CTNNA2: variants seen among roughly 807,000 people sequenced by gnomAD.
The protein encoded by CTNNA2 is catenin alpha 2.
Under a neutral mutation model 101.0 loss-of-function variants are expected in CTNNA2, and 42 were observed. The ratio of observed to expected loss-of-function variants is 0.42; its 90% CI spans 0.32 to 0.54. CTNNA2 has a LOEUF of 0.54. Among genes scored for constraint, CTNNA2 ranks in the 20% least tolerant of loss-of-function variants. The pLI, the probability that CTNNA2 is intolerant of heterozygous loss-of-function variation, is 0.14. For synonymous variants in CTNNA2, 450 were observed against 456.4 expected (o/e 0.99, Z 0.18); for missense variants, 871 against 1,223.1 (o/e 0.71, Z 4.29).
At chr2:79,522,377 C>G (rs560521580) in intron 1 of CTNNA2, among the ~76,000 whole-genome samples, 1 of 152,108 alleles carries the variant, frequency 6.6e-6, no homozygotes, top group East Asian at 1.9e-4. Context: ...TGGAGCCATA[C>G]GTGAGTAAGA....
At chr2:80,424,307 C>T (rs1680804312) in intron 9 of CTNNA2, among the ~76,000 whole-genome samples, 1 of 152,144 alleles carries the variant, frequency 6.6e-6, no homozygotes, top group Non-Finnish European at 1.5e-5. Flanking sequence ...CCCTTATTGT[C>T]TGACTGATGA....
intron 4 of CTNNA2, among the ~76,000 whole-genome samples, chr2:79,374,298 A>G (rs1677936752): frequency 6.6e-6 from 1 of 152,162 alleles, no homozygotes. Flanking sequence ...TCTCTGAGAT[A>G]TAGAAAGACA....
intron 7 of CTNNA2, chr2:80,313,451 A>C (rs139283309): frequency 0.019 from 28,006 of 1,504,374 alleles, 343 homozygotes; most frequent in Non-Finnish European, 0.023. Flanking sequence ...GATGAGTAAC[A>C]AACCAATATT....
chr2:79,890,909 G>T (rs540796464), intron 6 of CTNNA2, among the ~76,000 whole-genome samples: 1 of 143,702 alleles, frequency 7.0e-6, no homozygotes, highest in South Asian at 2.8e-4. Context: ...GGTGGAAGGG[G>T]CAGGGAGCCC....
At chr2:80,258,179 G>C (rs780321588) in intron 7 of CTNNA2, among the ~76,000 whole-genome samples, 2 of 152,114 alleles carry the variant, frequency 1.3e-5, no homozygotes, top group Non-Finnish European at 2.9e-5. Context: ...GCATTTTATT[G>C]TTCTTTATGT....
chr2:79,586,733 C>T (rs1186750417), intron 1 of CTNNA2, among the ~76,000 whole-genome samples: 2 of 151,906 alleles, frequency 1.3e-5, no homozygotes, highest in Non-Finnish European at 2.9e-5. Context: ...TGAACAAGTT[C>T]TTTAGTGGTG....
chr2:79,456,633 A>G (rs1296363251), intron 4 of CTNNA2, among the ~76,000 whole-genome samples: 2 of 152,178 alleles, frequency 1.3e-5, no homozygotes, highest in African/African-American at 4.8e-5. Flanking sequence ...TGTATTTTAT[A>G]ACATGGACCC....
At chr2:79,654,126 A>G (rs928908720) in intron 2 of CTNNA2, among the ~76,000 whole-genome samples, 2 of 152,042 alleles carry the variant, frequency 1.3e-5, no homozygotes, top group Admixed American at 1.3e-4. Context: ...TTTTAATAAC[A>G]GTCTGTTCAA....
intron 7 of CTNNA2, among the ~76,000 whole-genome samples, chr2:80,074,304 C>A (rs1326677948): frequency 2.0e-5 from 3 of 152,128 alleles, no homozygotes; most frequent in Non-Finnish European, 4.4e-5. Flanking sequence ...AAAGAACAGA[C>A]CCCCATCTGG....
rs147209619 is a variant in CTNNA2, at chr2:79,550,092, GA to G, written c.-6+36886del. Among the ~76,000 whole-genome samples, 647 of 152,256 alleles carry G rather than the reference GA, an allele frequency of 4.2e-3. 2 individuals are homozygous for G. The highest frequency in any genetic ancestry group is 0.021 in the East Asian group (108 of 5,176). On this transcript the variant is annotated intron_variant, in intron 1 of 18. Coordinates refer to ENST00000402739, the MANE Select transcript of CTNNA2 (RefSeq NM_001282597.3). ...ATCTAATTAGAGGTAGGAGGTGAGG[GA>G]GGGGGCACAATAATGTTTCAGTTCC...
chr2:80,165,935 A>G (rs530811244), intron 7 of CTNNA2, among the ~76,000 whole-genome samples: 13 of 152,120 alleles, frequency 8.5e-5, no homozygotes, highest in Non-Finnish European at 1.5e-4. Flanking sequence ...GCTGGCCTAC[A>G]TGAGGTTGGA....
intron 3 of CTNNA2, among the ~76,000 whole-genome samples, chr2:79,781,629 T>A (rs2105202790): frequency 6.6e-6 from 1 of 152,336 alleles, no homozygotes; most frequent in East Asian, 1.9e-4. Flanking sequence ...GATCAAAAAG[T>A]ATTTGATAGC....
chr2:79,798,267 C>T (rs887466087), intron 3 of CTNNA2, among the ~76,000 whole-genome samples: 2 of 152,160 alleles, frequency 1.3e-5, no homozygotes, highest in East Asian at 1.9e-4. Context: ...CCCTAGGCAT[C>T]GGACTCCTAC....
At position 80,232,337 on chromosome 2, in the gene CTNNA2, GTTTGTTTGTTTTTTTTTTTTTTTTTTTT is replaced by G. The variant is rs1317665220; in HGVS notation, c.1057-160870_1057-160843del. Among the ~76,000 whole-genome samples, 51 of 45,040 alleles carry G rather than the reference GTTTGTTTGTTTTTTTTTTTTTTTTTTTT, an allele frequency of 1.1e-3. No homozygotes were observed. The East Asian group carries it at 0.021, about 18-fold the overall frequency. 29.5% of individuals were successfully genotyped at this position (45,040 alleles called of 152,430 possible). On this transcript the variant is annotated intron_variant, in intron 7 of 18. Transcript: ENST00000402739. Reference sequence around the variant, plus strand: ...GAATTTGGGTTTTGTTTGTTTGTTTGTTTGTTTGTTTTTTTTTTTTTTTTTTTTTTTTTTTTTTTTTTTTTTTTTTTGT... The same window carrying G: ...GAATTTGGGTTTTGTTTGTTTGTTTGTTTTTTTTTTTTTTTTTTTTTTTGT...
chr2:80,509,776 C>A (rs1688557241), intron 9 of CTNNA2, among the ~76,000 whole-genome samples: 1 of 152,190 alleles, frequency 6.6e-6, no homozygotes, highest in Non-Finnish European at 1.5e-5. Context: ...CCAAATTGGA[C>A]AGTCCTTGTC....
rs112571951 is a variant in CTNNA2, at chr2:80,368,867, G to GTGTGTGTATA, written c.1057-24343_1057-24342insGTGTGTATAT. On this transcript the variant is annotated intron_variant, in intron 7 of 18. Coordinates refer to ENST00000402739, the MANE Select transcript of CTNNA2 (RefSeq NM_001282597.3). ...TATATATGTGTGTGTGTGTGTGTGTGTATATATATATATATATTTGGCACG... is the reference window on the plus strand; with the variant it reads ...TATATATGTGTGTGTGTGTGTGTGTGTGTGTGTATATATATATATATATATATTTGGCACG... Among the ~76,000 whole-genome samples the GTGTGTGTATA allele has an allele frequency of 2.1e-5, 3 of 144,734 alleles. No homozygotes were observed. The East Asian group carries it at 6.1e-4, about 29-fold the overall frequency. 95.0% of individuals were successfully genotyped at this position (144,734 alleles called of 152,430 possible).
chr2:79,957,480 T>C (rs772106387), intron 7 of CTNNA2, among the ~76,000 whole-genome samples: 21 of 152,200 alleles, frequency 1.4e-4, no homozygotes, highest in Admixed American at 3.9e-4. Context: ...TCTGGCTGTA[T>C]CCTTCCCTGT....
At chr2:80,138,555 CAT>C (rs2148905618) in intron 7 of CTNNA2, among the ~76,000 whole-genome samples, 1 of 152,090 alleles carries the variant, frequency 6.6e-6, no homozygotes, top group East Asian at 1.9e-4. Context: ...GAACAGGTAT[CAT>C]GTGCTTTTTG....
chr2:80,378,997 A>T (rs1676256842), intron 7 of CTNNA2, among the ~76,000 whole-genome samples: 1 of 151,926 alleles, frequency 6.6e-6, no homozygotes, highest in South Asian at 2.1e-4. Context: ...CAGAAGTGGG[A>T]TTTAGGAGAT....
Sources: gnomAD v4.1 joint callset for allele counts (sites outside exome capture counted in the v4.1 genomes callset) on GRCh38, gnomAD v4.1.1 for gene constraint, MANE v1.5 for transcripts, NCBI Gene and HGNC (gene_info 2026-07-23, HGNC 2026-07-21) for gene names.